The following SLC39A11 variants were observed in gnomAD, a reference collection of about 807,000 sequenced individuals.
The protein encoded by SLC39A11 is zinc transporter ZIP11.
A neutral mutation model predicts 36.1 loss-of-function variants in SLC39A11; 33 were observed. The ratio of observed to expected loss-of-function variants is 0.91; its 90% CI spans 0.69 to 1.22. The LOEUF (loss-of-function observed/expected upper bound fraction) is 1.22, where lower values mean the gene tolerates loss of function less well. SLC39A11 is among the 50% of genes most tolerant of loss of function. SLC39A11 has a pLI of 0.00. For synonymous variants in SLC39A11, 166 were observed against 170.3 expected (o/e 0.97, Z 0.20); for missense variants, 432 against 430.3 (o/e 1.00, Z -0.03).
chr17:72,870,639 C>T (rs1377056012), intron 5 of SLC39A11, among the ~76,000 whole-genome samples: 2 of 152,258 alleles, frequency 1.3e-5, no homozygotes, highest in Non-Finnish European at 2.9e-5. Flanking sequence ...CATTCCTCTA[C>T]AGGCCACGCT....
intron 5 of SLC39A11, among the ~76,000 whole-genome samples, chr17:72,871,056 GTTT>G (rs34776144): frequency 1.6e-5 from 2 of 124,310 alleles, no homozygotes; most frequent in Non-Finnish European, 3.3e-5. Flanking sequence ...TTTTGTTTTT[GTTT>G]TTTTTTTTTT....
intron 7 of SLC39A11, among the ~76,000 whole-genome samples, chr17:72,703,918 A>G (rs1431642874): frequency 6.6e-6 from 1 of 152,214 alleles, no homozygotes; most frequent in East Asian, 1.9e-4. Context: ...CTTTGAAGCC[A>G]GGAGTTCAAG....
chr17:72,770,222 G>T (rs973022889), intron 6 of SLC39A11, among the ~76,000 whole-genome samples: 6 of 152,212 alleles, frequency 3.9e-5, no homozygotes, highest in African/African-American at 1.4e-4. Flanking sequence ...AGACACAAAA[G>T]AACAAATACT....
At chr17:72,924,161 A>AATT in intron 5 of SLC39A11, among the ~76,000 whole-genome samples, 1 of 113,804 alleles carries the variant, frequency 8.8e-6, no homozygotes, top group East Asian at 2.9e-4. Flanking sequence ...AAAAAAAAAA[A>AATT]ATTTTTTTTT....
chr17:72,647,619 C>T lies in SLC39A11; in HGVS notation c.973G>A (p.Val325Ile), dbSNP rs763090885. ...CCAACGTCCAGTGACATCATCACTA[C>T]AAATCCCAGGATGGAGGCCCAGGAT... ...LASWASILGF[V>I]VMMSLDVGLG Residue 325 changes from valine (V) to isoleucine (I), a missense_variant, in exon 10 of 10, where the codon GTA becomes ATA. Coordinates refer to ENST00000255559, the MANE Select transcript of SLC39A11 (RefSeq NM_139177.4). 13 of 1,613,918 alleles carry T rather than the reference C, an allele frequency of 8.1e-6. No homozygotes were observed. The highest frequency in any genetic ancestry group is 1.0e-5 in the Non-Finnish European group (12 of 1,179,966).
intron 4 of SLC39A11, among the ~76,000 whole-genome samples, chr17:72,958,680 G>A (rs943692416): frequency 5.3e-5 from 8 of 151,804 alleles, no homozygotes; most frequent in Non-Finnish European, 7.4e-5. Context: ...GCGAAACCCC[G>A]TCTCTACTAA....
chr17:73,026,043 G>C (rs112368248), intron 4 of SLC39A11, among the ~76,000 whole-genome samples: 4 of 151,978 alleles, frequency 2.6e-5, no homozygotes, highest in South Asian at 2.1e-4. Context: ...ACTTGAACCC[G>C]GGAGGCGGAG....
intron 4 of SLC39A11, among the ~76,000 whole-genome samples, chr17:73,010,269 C>T (rs12600932): frequency 0.7 from 106,638 of 152,030 alleles, 41,401 homozygotes; most frequent in Non-Finnish European, 0.87. Context: ...TACAACCAGA[C>T]CCTTTCTCCC....
chr17:72,662,770 GAA>G (rs1209476270), intron 7 of SLC39A11, among the ~76,000 whole-genome samples: 3 of 139,488 alleles, frequency 2.2e-5, no homozygotes, highest in African/African-American at 8.0e-5. Flanking sequence ...GGAAGGAAAA[GAA>G]AAGAAAGGAA....
intron 7 of SLC39A11, among the ~76,000 whole-genome samples, chr17:72,735,609 G>A (rs1375018543): frequency 2.0e-5 from 3 of 152,130 alleles, no homozygotes; most frequent in Admixed American, 6.5e-5. Flanking sequence ...GATAGTGCGC[G>A]TGCTGTTTAA....
At chr17:73,061,559 AT>A (rs1568210414) in intron 3 of SLC39A11, among the ~76,000 whole-genome samples, 2 of 152,246 alleles carry the variant, frequency 1.3e-5, no homozygotes, top group South Asian at 2.1e-4. Context: ...ATGATGACCT[AT>A]TCATTGGACA....
At chr17:72,760,312 G>C (rs1341991888) in intron 6 of SLC39A11, among the ~76,000 whole-genome samples, 2 of 152,250 alleles carry the variant, frequency 1.3e-5, no homozygotes, top group Non-Finnish European at 2.9e-5. Context: ...ACAGGCGTGA[G>C]CCACTGTGCC....
intron 4 of SLC39A11, among the ~76,000 whole-genome samples, chr17:73,012,231 A>G (rs1256857722): frequency 6.6e-6 from 1 of 151,972 alleles, no homozygotes; most frequent in Non-Finnish European, 1.5e-5. Context: ...AGCCAAGATC[A>G]TGCCACTGCA....
chr17:72,839,187 AT>A (rs1368505899), intron 6 of SLC39A11: 1 of 152,154 alleles, frequency 6.6e-6, no homozygotes, highest in African/African-American at 2.4e-5. Context: ...TTATAAAGGA[AT>A]GCTGGCTGCT....
At chr17:72,871,064 T>A (rs533867849) in intron 5 of SLC39A11, among the ~76,000 whole-genome samples, 29 of 151,084 alleles carry the variant, frequency 1.9e-4, no homozygotes, top group Non-Finnish European at 3.1e-4. Context: ...TTGTTTTTTT[T>A]TTTTTTTTGG....
chr17:72,908,323 G>A (rs1007394826), intron 5 of SLC39A11, among the ~76,000 whole-genome samples: 1 of 152,214 alleles, frequency 6.6e-6, no homozygotes, highest in African/African-American at 2.4e-5. Flanking sequence ...TTTGGTGGCA[G>A]GGAGCAATCC....
chr17:73,035,937 G>A (rs1382975255), intron 3 of SLC39A11, among the ~76,000 whole-genome samples: 3 of 150,440 alleles, frequency 2.0e-5, no homozygotes, highest in Admixed American at 2.0e-4. Context: ...AGAGGCTATA[G>A]TCAGAAAGAG....
intron 7 of SLC39A11, 148 bp downstream of exon 7, chr17:72,736,502 C>G: frequency 1.5e-6 from 1 of 663,970 alleles, no homozygotes; most frequent in African/African-American, 1.8e-5. Flanking sequence ...ATGGCCTTCA[C>G]CGGACCCCAT....
At chr17:73,018,087 C>T (rs965440755) in intron 4 of SLC39A11, among the ~76,000 whole-genome samples, 1 of 152,184 alleles carries the variant, frequency 6.6e-6, no homozygotes, top group Non-Finnish European at 1.5e-5. Flanking sequence ...CGAGTAAAAG[C>T]TACTCTATAC....
Sources: gnomAD v4.1 joint callset for allele counts (sites outside exome capture counted in the v4.1 genomes callset) on GRCh38, gnomAD v4.1.1 for gene constraint, MANE v1.5 for transcripts, NCBI Gene and HGNC (gene_info 2026-07-23, HGNC 2026-07-21) for gene names.